Variants in COL9A1 observed in about 807,000 individuals in gnomAD.
The protein encoded by COL9A1 is collagen alpha-1(IX) chain.
In COL9A1, 104 loss-of-function variants were observed where a neutral mutation model predicts 142.6. The ratio of observed to expected loss-of-function variants is 0.73; its 90% CI spans 0.62 to 0.86. The LOEUF is 0.86. COL9A1 is among the 40% of genes least tolerant of loss of function. The pLI is 0.00. For missense variants in COL9A1, 1,210 were observed against 1,176.6 expected (o/e 1.03, Z -0.42); for synonymous variants, 466 against 396.0 (o/e 1.18, Z -2.10).
At chr6:70,242,205 C>G (rs779646770) in intron 29 of COL9A1, 170 bp from the exon 30 acceptor site, 2 of 680,474 alleles carry the variant, frequency 2.9e-6, no homozygotes, top group African/African-American at 3.5e-5. Context: ...GAGAAGAGGG[C>G]GGGGCCAATG....
chr6:70,238,284 G>C (rs1385759258), intron 33 of COL9A1, among the ~76,000 whole-genome samples: 5 of 152,168 alleles, frequency 3.3e-5, no homozygotes, highest in African/African-American at 9.7e-5. Context: ...TGAGGTCTGA[G>C]CTTCATCTTT....
chr6:70,254,711 A>G (rs902554615), intron 24 of COL9A1, 182 bp from the exon 25 acceptor site: 3 of 681,578 alleles, frequency 4.4e-6, no homozygotes, highest in Admixed American at 5.0e-5. Context: ...ACATAATTCA[A>G]CCAAAATGCA....
At chr6:70,257,916 T>C (rs1324001874) in intron 20 of COL9A1, among the ~76,000 whole-genome samples, 2 of 152,206 alleles carry the variant, frequency 1.3e-5, no homozygotes, top group Non-Finnish European at 2.9e-5. Context: ...AATGAATTAC[T>C]GGAAGGACCT....
At chr6:70,280,755 T>TA in intron 10 of COL9A1, 57 bp downstream of exon 10, 1 of 1,518,348 alleles carries the variant, frequency 6.6e-7, no homozygotes, top group Non-Finnish European at 9.0e-7. Flanking sequence ...AACACACACT[T>TA]ACTCGTACCC....
intron 10 of COL9A1, among the ~76,000 whole-genome samples, chr6:70,276,757 C>T (rs918250725): frequency 6.6e-6 from 1 of 152,152 alleles, no homozygotes; most frequent in Non-Finnish European, 1.5e-5. Context: ...AGGAGGCCTT[C>T]CAGGTGGCAG....
At position 70,232,568 on chromosome 6, in the gene COL9A1, G is replaced by A; in HGVS notation, c.2503+15C>T. On this transcript the variant is annotated intron_variant, in intron 36 of 37. Transcript: ENST00000357250. The stretch of plus-strand genomic sequence containing the variant: ...AGGTTGTGTTCTTTGGTTCCACATG[G>A]GCAAGATGACTTACCTTTAGGTCCC... 4 of 1,613,052 alleles carry A rather than the reference G, an allele frequency of 2.5e-6. No individual in the cohort carries two copies. Among genetic ancestry groups the A allele is most frequent in the Non-Finnish European group, 2.5e-6 (3 of 1,179,806 alleles).
chr6:70,253,484 G>A, intron 25 of COL9A1, 55 bp from the exon 26 acceptor site: 2 of 1,282,748 alleles, frequency 1.6e-6, no homozygotes, highest in South Asian at 2.4e-5. Flanking sequence ...GAATCCATGA[G>A]ATGCCAAGCC....
intron 19 of COL9A1, among the ~76,000 whole-genome samples, chr6:70,261,976 G>A (rs775506750): frequency 1.3e-4 from 20 of 152,072 alleles, no homozygotes; most frequent in Non-Finnish European, 2.5e-4. Context: ...AATAGCAGGA[G>A]GTAATCAAGC....
At chr6:70,252,559 G>A (rs1164325838) in intron 26 of COL9A1, among the ~76,000 whole-genome samples, 1 of 152,136 alleles carries the variant, frequency 6.6e-6, no homozygotes, top group Non-Finnish European at 1.5e-5. Flanking sequence ...AGGGGTTTTA[G>A]CCTTCAGTTA....
chr6:70,254,571 C>A, intron 24 of COL9A1, 42 bp from the exon 25 acceptor site: 1 of 1,588,256 alleles, frequency 6.3e-7, no homozygotes, highest in Non-Finnish European at 8.6e-7. Context: ...CCTGTATGAG[C>A]TGCTGTATTT....
intron 6 of COL9A1, chr6:70,283,227 T>TG: frequency 6.9e-7 from 1 of 1,456,710 alleles, no homozygotes; most frequent in Non-Finnish European, 9.0e-7. Context: ...TGTTTATGAA[T>TG]GGCCCCGGAG....
rs1179310550 is a variant in COL9A1 at position 70,292,535 on chromosome 6, C to T, written c.696+1632G>A. On this transcript the variant is annotated intron_variant, in intron 5 of 37. Transcript: ENST00000357250. Reference sequence around the variant, plus strand: ...CAGAAAAATCTACAATCAGCTCTGACATTATTGGCAAGGCTATAGTATAAT... The same window carrying T: ...CAGAAAAATCTACAATCAGCTCTGATATTATTGGCAAGGCTATAGTATAAT... Among the ~76,000 whole-genome samples, 5 of 152,134 alleles carry T rather than the reference C, an allele frequency of 3.3e-5. No individual in the cohort carries two copies. In the East Asian group the frequency reaches 7.7e-4, roughly 23 times the overall value.
At chr6:70,286,163 A>G (rs1313562851) in intron 5 of COL9A1, among the ~76,000 whole-genome samples, 2 of 146,428 alleles carry the variant, frequency 1.4e-5, no homozygotes, top group Admixed American at 1.3e-4. Flanking sequence ...CTGGGATTAT[A>G]AGGTGTGAGC....
chr6:70,221,607 G>T (rs1278735229), intron 37 of COL9A1, among the ~76,000 whole-genome samples: 1 of 152,140 alleles, frequency 6.6e-6, no homozygotes, highest in East Asian at 1.9e-4. Flanking sequence ...GCATAGTCCA[G>T]CACAAAGCCA....
At chr6:70,272,190 TA>T in intron 12 of COL9A1, 102 bp from the exon 13 acceptor site, 1 of 904,450 alleles carries the variant, frequency 1.1e-6, no homozygotes, top group Non-Finnish European at 1.7e-6. Context: ...ACTCTATTAC[TA>T]AAAATGATGC....
chr6:70,284,587 GAAAC>G (rs1773368919), intron 5 of COL9A1, among the ~76,000 whole-genome samples: 1 of 152,174 alleles, frequency 6.6e-6, no homozygotes, highest in African/African-American at 2.4e-5. Context: ...AGGGTAGCAG[GAAAC>G]AAACAGAGCA....
chr6:70,286,841 G>A (rs1408074093), intron 5 of COL9A1, among the ~76,000 whole-genome samples: 1 of 152,220 alleles, frequency 6.6e-6, no homozygotes, highest in Admixed American at 6.5e-5. Context: ...AAAGGCTACA[G>A]CAGAATGGTG....
intron 20 of COL9A1, 23 bp downstream of exon 20, chr6:70,260,634 T>C (rs1771615668): frequency 2.5e-6 from 4 of 1,609,412 alleles, no homozygotes; most frequent in African/African-American, 1.3e-5. Flanking sequence ...TTTGGTATTA[T>C]ATTATTGTCA....
chr6:70,263,828 C>G (rs75429106), intron 18 of COL9A1, among the ~76,000 whole-genome samples: 4 of 151,700 alleles, frequency 2.6e-5, no homozygotes, highest in African/African-American at 9.7e-5. Context: ...ATGGGTTATA[C>G]CTCCTGATGT....
Sources: allele counts gnomAD v4.1 joint callset (sites outside exome capture counted in the v4.1 genomes callset), GRCh38; gene constraint gnomAD v4.1.1; transcripts MANE v1.5; gene names NCBI Gene and HGNC (gene_info 2026-07-23, HGNC 2026-07-21).